The following TP63 variants were observed in gnomAD, a reference collection of about 807,000 sequenced individuals.
The protein encoded by TP63 is tumor protein 63.
TP63 carries 17 observed loss-of-function variants against 82.8 expected under a neutral mutation model. That is an observed-to-expected ratio of 0.21 (90% confidence interval 0.14 to 0.31). The LOEUF is 0.31. Ranked by LOEUF, TP63 falls within the 10% of genes least tolerant of loss-of-function variation. The pLI is 1.00. For missense variants in TP63, 648 were observed against 895.3 expected (o/e 0.72, Z 3.52); for synonymous variants, 330 against 321.7 (o/e 1.03, Z -0.28).
At chr3:189,617,352 A>G in the TP63 span, among the ~76,000 whole-genome samples, 1 of 152,228 alleles carries the variant, frequency 6.6e-6, no homozygotes, top group Non-Finnish European at 1.5e-5. Flanking sequence ...GTATTTTTGT[A>G]TATCCCACAT....
At chr3:189,689,952 AG>A (rs1716785253) in intron 1 of TP63, among the ~76,000 whole-genome samples, 1 of 152,174 alleles carries the variant, frequency 6.6e-6, no homozygotes, top group South Asian at 2.1e-4. Context: ...TAACAGGGAA[AG>A]TCCTTGGGGT....
At chr3:189,884,556 C>T (rs538886634) in intron 10 of TP63, among the ~76,000 whole-genome samples, 1 of 152,254 alleles carries the variant, frequency 6.6e-6, no homozygotes, top group East Asian at 1.9e-4. Flanking sequence ...TATACCATGA[C>T]CTGCTCCACA....
intron 4 of TP63, among the ~76,000 whole-genome samples, chr3:189,833,739 T>C (rs1487151783): frequency 6.6e-6 from 1 of 151,818 alleles, no homozygotes; most frequent in East Asian, 1.9e-4. Flanking sequence ...TAAAGGTAGA[T>C]CTTGAAAACA....
At chr3:189,878,235 A>G (rs1269484785) in intron 10 of TP63, among the ~76,000 whole-genome samples, 2 of 152,118 alleles carry the variant, frequency 1.3e-5, no homozygotes, top group Non-Finnish European at 1.5e-5. Flanking sequence ...AAATGTCAAC[A>G]CCGTATTTCT....
At chr3:189,676,166 A>G (rs1715379067) in intron 1 of TP63, among the ~76,000 whole-genome samples, 1 of 152,114 alleles carries the variant, frequency 6.6e-6, no homozygotes, top group Non-Finnish European at 1.5e-5. Context: ...TGTGTGTGTG[A>G]TGAGGACACT....
chr3:189,662,128 T>C, intron 1 of TP63, among the ~76,000 whole-genome samples: 1 of 152,036 alleles, frequency 6.6e-6, no homozygotes, highest in Non-Finnish European at 1.5e-5. Context: ...TTTGTTTTTG[T>C]TTTTATAGTT....
chr3:189,772,817 C>T (rs1441085885), intron 3 of TP63, among the ~76,000 whole-genome samples: 1 of 152,138 alleles, frequency 6.6e-6, no homozygotes, highest in African/African-American at 2.4e-5. Flanking sequence ...GTGAGACAAG[C>T]TGCCAGAGAA....
chr3:189,598,685 C>T, the TP63 span, among the ~76,000 whole-genome samples: 1 of 152,206 alleles, frequency 6.6e-6, no homozygotes, highest in African/African-American at 2.4e-5. Flanking sequence ...CAGTGAGAAC[C>T]AGAGGGCTGG....
chr3:189,765,474 T>G (rs1390142668), intron 3 of TP63, among the ~76,000 whole-genome samples: 1 of 117,692 alleles, frequency 8.5e-6, no homozygotes, highest in African/African-American at 3.3e-5. Flanking sequence ...TCTCACTCTG[T>G]TGCCCAGGCA....
At chr3:189,651,556 A>G (rs1375208814) in intron 1 of TP63, among the ~76,000 whole-genome samples, 1 of 146,110 alleles carries the variant, frequency 6.8e-6, no homozygotes, top group African/African-American at 2.6e-5. Context: ...AAAAAAAAAA[A>G]AAAAAGTAAA....
intron 3 of TP63, among the ~76,000 whole-genome samples, chr3:189,792,411 T>G (rs1725240105): frequency 1.3e-5 from 2 of 152,014 alleles, no homozygotes; most frequent in Non-Finnish European, 2.9e-5. Flanking sequence ...ACTTCAACTT[T>G]CTGGCAAAAC....
rs141681177 is a variant in TP63, at chr3:189,803,649, T to C, written c.325-4623T>C. 6.6e-3 allele frequency among the ~76,000 whole-genome samples: 1,005 copies of C among 152,306 alleles called. 8 individuals carry two copies. The highest frequency in any genetic ancestry group is 0.023 in the African/African-American group (963 of 41,568). Reference sequence around the variant, plus strand: ...TTGCAGGGAATATGTCGAGTCCATGTGACCAAGGCGTACTTCATCCTTTCT... The same window carrying C: ...TTGCAGGGAATATGTCGAGTCCATGCGACCAAGGCGTACTTCATCCTTTCT... On this transcript the variant is annotated intron_variant, in intron 3 of 13. Transcript: ENST00000264731.
At chr3:189,666,644 A>G (rs1426076012) in intron 1 of TP63, among the ~76,000 whole-genome samples, 1 of 152,156 alleles carries the variant, frequency 6.6e-6, no homozygotes, top group East Asian at 1.9e-4. Context: ...GTAATAAATA[A>G]TACAACATTG....
intron 1 of TP63, among the ~76,000 whole-genome samples, chr3:189,718,626 A>G (rs76863114): frequency 0.011 from 1,652 of 151,858 alleles, 26 homozygotes; most frequent in African/African-American, 0.038. Flanking sequence ...AAAATACTGC[A>G]TAAATAACAT....
chr3:189,772,132 A>G (rs1056117361), intron 3 of TP63, among the ~76,000 whole-genome samples: 1 of 152,194 alleles, frequency 6.6e-6, no homozygotes, highest in Non-Finnish European at 1.5e-5. Context: ...TCCCTTTCCC[A>G]AAGTTTTATG....
intron 1 of TP63, among the ~76,000 whole-genome samples, chr3:189,688,659 G>A (rs1716640310): frequency 6.6e-6 from 1 of 152,134 alleles, no homozygotes; most frequent in Non-Finnish European, 1.5e-5. Context: ...GATTGGTAAG[G>A]GAGCTGATAA....
rs147389337 is a variant in TP63, at chr3:189,889,407, C to T, written c.1575C>T (p.Leu525=). 25 of 1,614,056 alleles carry T rather than the reference C, an allele frequency of 1.5e-5. No homozygotes were observed. The African/African-American group carries it at 2.9e-4, about 19-fold the overall frequency. The change falls in exon 12 of 14, where the codon CTC becomes CTT. Residue 525 remains leucine, a synonymous_variant. Transcript: ENST00000264731. ...DMNGLSPTQA[L]PPPLSMPSTS... Reference sequence around the variant, plus strand: ...ATGGACTCAGCCCCACCCAGGCACTCCCTCCCCCACTCTCCATGCCATCCA... The same window carrying T: ...ATGGACTCAGCCCCACCCAGGCACTTCCTCCCCCACTCTCCATGCCATCCA...
intron 10 of TP63, among the ~76,000 whole-genome samples, chr3:189,879,171 T>G (rs1275419807): frequency 6.6e-6 from 1 of 152,204 alleles, no homozygotes; most frequent in Non-Finnish European, 1.5e-5. Flanking sequence ...TGATATCAAT[T>G]CTTGCCGGTG....
the TP63 span, among the ~76,000 whole-genome samples, chr3:189,597,072 G>A: frequency 1.3e-5 from 2 of 152,070 alleles, no homozygotes; most frequent in East Asian, 1.9e-4. Context: ...CTCCAGACGC[G>A]CCACCTTAAG....
Sources: allele counts gnomAD v4.1 joint callset (sites outside exome capture counted in the v4.1 genomes callset), GRCh38; gene constraint gnomAD v4.1.1; transcripts MANE v1.5; gene names NCBI Gene and HGNC (gene_info 2026-07-23, HGNC 2026-07-21).